ST7: variants seen among roughly 807,000 people sequenced by gnomAD.
ST7 encodes suppressor of tumorigenicity 7 protein.
Under a neutral mutation model 78.7 loss-of-function variants are expected in ST7, and 28 were observed. That is an observed-to-expected ratio of 0.36 (90% CI 0.26 to 0.49). The LOEUF (loss-of-function observed/expected upper bound fraction) is 0.49, where lower values mean the gene tolerates loss of function less well. Among genes scored for constraint, ST7 ranks in the 20% least tolerant of loss-of-function variants. The pLI, the probability that ST7 is intolerant of heterozygous loss-of-function variation, is 0.99. For missense variants in ST7, 418 were observed against 696.0 expected (o/e 0.60, Z 4.49); for synonymous variants, 247 against 249.6 (o/e 0.99, Z 0.10).
intron 1 of ST7, chr7:116,972,947 T>A: frequency 2.6e-6 from 3 of 1,153,330 alleles, no homozygotes; most frequent in Non-Finnish European, 3.8e-6. Context: ...CTCCGATTCC[T>A]GCCTCCTCTG....
At chr7:117,129,662 A>G (rs190234569) in intron 3 of ST7, 131 bp from the exon 4 acceptor site, 521 of 735,986 alleles carry the variant, frequency 7.1e-4, no homozygotes, top group Non-Finnish European at 1.0e-3. Context: ...GTTTTTCCAC[A>G]TTGCTTCCCA....
intron 1 of ST7, among the ~76,000 whole-genome samples, chr7:117,007,687 C>G (rs532751898): frequency 4.6e-5 from 7 of 152,284 alleles, no homozygotes; most frequent in African/African-American, 1.7e-4. Flanking sequence ...TGCCTGGCTT[C>G]AAAGCTTCAC....
chr7:117,209,143 G>A (rs1171056715), intron 12 of ST7, among the ~76,000 whole-genome samples: 1 of 152,100 alleles, frequency 6.6e-6, no homozygotes, highest in Non-Finnish European at 1.5e-5. Context: ...GTAGAAGATA[G>A]CAATGAAGAG....
intron 9 of ST7, among the ~76,000 whole-genome samples, chr7:117,161,591 C>CTTTTTTTTTTTTTTTTTTT (rs60505994): frequency 1.4e-4 from 16 of 113,588 alleles, no homozygotes; most frequent in South Asian, 2.9e-4. Flanking sequence ...TTCTTTCTTT[C>CTTTTTTTTTTTTTTTTTTT]TTTTTTTTTT....
At chr7:117,229,335 A>G (rs1793644409) in intron 15 of ST7, among the ~76,000 whole-genome samples, 2 of 148,644 alleles carry the variant, frequency 1.3e-5, no homozygotes, top group Admixed American at 1.3e-4. Context: ...TAAAATTGCC[A>G]TTTCCATTTA....
At chr7:117,134,285 T>C in intron 7 of ST7, 93 bp downstream of exon 7, 1 of 1,572,510 alleles carries the variant, frequency 6.4e-7, no homozygotes, top group East Asian at 2.3e-5. Flanking sequence ...CCACACTTTC[T>C]TGCTTCTGTA....
At chr7:117,166,833 G>A (rs560524599) in intron 9 of ST7, among the ~76,000 whole-genome samples, 1 of 151,880 alleles carries the variant, frequency 6.6e-6, no homozygotes, top group African/African-American at 2.4e-5. Flanking sequence ...AGCTTGCAGT[G>A]AGCTGAGATT....
intron 1 of ST7, among the ~76,000 whole-genome samples, chr7:116,984,790 A>G (rs1266656633): frequency 6.6e-6 from 1 of 152,166 alleles, no homozygotes; most frequent in Non-Finnish European, 1.5e-5. Flanking sequence ...TTTAAGATTC[A>G]TGCAAGGATG....
At chr7:116,971,855 C>T (rs1277892207) in intron 1 of ST7, among the ~76,000 whole-genome samples, 3 of 152,196 alleles carry the variant, frequency 2.0e-5, no homozygotes, top group Non-Finnish European at 4.4e-5. Context: ...CAAATGGTTG[C>T]TACAAAGCAA....
At chr7:117,113,595 TGTC>T (rs1802612120) in intron 2 of ST7, among the ~76,000 whole-genome samples, 1 of 152,248 alleles carries the variant, frequency 6.6e-6, no homozygotes, top group Admixed American at 6.5e-5. Flanking sequence ...GATCGTTTAT[TGTC>T]TTCTTCCTCT....
chr7:116,963,868 T>C (rs1792964156), intron 1 of ST7, among the ~76,000 whole-genome samples: 1 of 152,116 alleles, frequency 6.6e-6, no homozygotes, highest in Non-Finnish European at 1.5e-5. Context: ...CCTGACTTCG[T>C]GATCCGCCCG....
At chr7:117,195,655 A>C (rs1810245530) in intron 12 of ST7, among the ~76,000 whole-genome samples, 1 of 152,230 alleles carries the variant, frequency 6.6e-6, no homozygotes, top group Admixed American at 6.5e-5. Context: ...AAAGCCCCTT[A>C]TAAAACCATC....
intron 2 of ST7, among the ~76,000 whole-genome samples, chr7:117,116,891 C>A (rs930916757): frequency 3.9e-5 from 6 of 152,172 alleles, no homozygotes; most frequent in Non-Finnish European, 8.8e-5. Context: ...GATGAATAAT[C>A]TGGTCCCATT....
At chr7:117,228,486 T>C (rs1191526385) in intron 15 of ST7, among the ~76,000 whole-genome samples, 1 of 152,232 alleles carries the variant, frequency 6.6e-6, no homozygotes, top group Non-Finnish European at 1.5e-5. Flanking sequence ...TTACGCTGTC[T>C]TGATTTTGCA....
chr7:117,186,625 T>G (rs1809284773), intron 10 of ST7, among the ~76,000 whole-genome samples: 1 of 152,094 alleles, frequency 6.6e-6, no homozygotes. Flanking sequence ...ATAAGGGGAG[T>G]CTACAATATT....
At position 117,040,297 on chromosome 7, in the gene ST7, G is replaced by A. The variant is rs555079569; in HGVS notation, c.152-59465G>A. Among the ~76,000 whole-genome samples, 4 of 152,150 alleles carry A rather than the reference G, an allele frequency of 2.6e-5. No homozygotes were observed. In the South Asian group the frequency reaches 8.3e-4, roughly 32 times the overall value. ...TGAGGCAGGAGAATTGCTTGAAACTGGAAGGCAGAGGTTGCAGTGAGCCGA... is the reference window on the plus strand; with the variant it reads ...TGAGGCAGGAGAATTGCTTGAAACTAGAAGGCAGAGGTTGCAGTGAGCCGA... On this transcript the variant is annotated intron_variant, in intron 1 of 15. Transcript: ENST00000323984.
At chr7:117,028,554 C>T (rs1365397350) in intron 1 of ST7, among the ~76,000 whole-genome samples, 13 of 152,260 alleles carry the variant, frequency 8.5e-5, no homozygotes, top group South Asian at 4.1e-4. Flanking sequence ...GGTCCAAGCC[C>T]GGACTTGTCT....
intron 1 of ST7, among the ~76,000 whole-genome samples, chr7:116,980,863 TAC>T (rs1793927943): frequency 6.6e-6 from 1 of 152,232 alleles, no homozygotes; most frequent in Non-Finnish European, 1.5e-5. Context: ...CAGAAATTGG[TAC>T]AGTGACACCA....
chr7:117,218,894 A>G, intron 13 of ST7, 190 bp from the exon 14 acceptor site: 2 of 559,848 alleles, frequency 3.6e-6, no homozygotes, highest in South Asian at 4.3e-5. Context: ...ATATAGTGTG[A>G]GATGAATGTG....
Sources: allele counts gnomAD v4.1 joint callset (sites outside exome capture counted in the v4.1 genomes callset), GRCh38; gene constraint gnomAD v4.1.1; transcripts MANE v1.5; gene names NCBI Gene and HGNC (gene_info 2026-07-23, HGNC 2026-07-21).